The following CYP4F12 variants were observed in gnomAD, a reference collection of about 807,000 sequenced individuals.
The protein encoded by CYP4F12 is cytochrome P450 4F12.
A neutral mutation model predicts 56.5 loss-of-function variants in CYP4F12; 60 were observed. The ratio of observed to expected loss-of-function variants is 1.06; its 90% CI spans 0.86 to 1.32. CYP4F12 has a LOEUF of 1.32. CYP4F12 is among the 40% of genes most tolerant of loss of function. CYP4F12 has a pLI of 0.00. For synonymous variants in CYP4F12, 263 were observed against 264.9 expected (o/e 0.99, Z 0.07); for missense variants, 711 against 683.5 (o/e 1.04, Z -0.45).
Position 15,683,619 on chromosome 19 carries a change from G to T in CYP4F12, c.774G>T (p.Arg258Ser). The T allele has an allele frequency of 6.2e-7, 1 of 1,614,136 alleles. No individual in the cohort carries two copies. ...CCCATGACGGGCGGCGCTTCCACAG[G>T]GCCTGCCGCCTGGTGCATGACTTCA... Reference protein sequence around the residue: ...YLSHDGRRFHRACRLVHDFTD... With the variant: ...YLSHDGRRFHSACRLVHDFTD... Residue 258 changes from arginine (R) to serine (S), a missense_variant, in exon 7 of 13, where the codon AGG (arginine) becomes AGT (serine). Physicochemically the swap from Arg to Ser is moderately radical, Grantham distance 110 (BLOSUM62 -1). Transcript: ENST00000550308.
chr19:15,695,008 A>G (rs957185059), intron 9 of CYP4F12, among the ~76,000 whole-genome samples: 26 of 152,250 alleles, frequency 1.7e-4, no homozygotes, highest in Middle Eastern at 3.4e-3. Context: ...CTGGGTATAT[A>G]CCCAAAGGAC....
At chr19:15,680,037 A>C (rs1251827071) in intron 3 of CYP4F12, among the ~76,000 whole-genome samples, 1 of 152,084 alleles carries the variant, frequency 6.6e-6, no homozygotes, top group Admixed American at 6.5e-5. Context: ...GTGTGCTATG[A>C]CCTGTTAGGT....
chr19:15,697,041 G>T lies in CYP4F12; in HGVS notation c.1531G>T (p.Gly511Trp), dbSNP rs754718248. Residue 511 changes from glycine (G) to tryptophan (W), a missense_variant, in exon 13 of 13, where the codon GGG (glycine) becomes TGG (tryptophan). Transcript: ENST00000550308. Reference protein sequence around the residue: ...KLELIMRAEGGLWLRVEPLNV... With the variant: ...KLELIMRAEGWLWLRVEPLNV... ...GGAATTGATCATGCGCGCCGAGGGC[G>T]GGCTTTGGCTGCGGGTGGAGCCCCT... 3 of 1,614,128 alleles carry T rather than the reference G, an allele frequency of 1.9e-6. No individual in the cohort carries two copies. The highest frequency in any genetic ancestry group is 4.5e-5 in the East Asian group (2 of 44,886).
chr19:15,686,965 T>G (rs2007637624), intron 9 of CYP4F12, among the ~76,000 whole-genome samples: 1 of 138,444 alleles, frequency 7.2e-6, no homozygotes, highest in South Asian at 2.2e-4. Context: ...CTGTGCACTT[T>G]GTAAACAAAA....
rs2006706507 is a variant in CYP4F12 at position 15,673,127 on chromosome 19, C to T, written c.-10C>T. The T allele has an allele frequency of 9.2e-6, 4 of 434,224 alleles. No homozygotes were observed. Among genetic ancestry groups the T allele is most frequent in the Non-Finnish European group, 1.4e-5 (3 of 221,438 alleles). 26.9% of individuals were successfully genotyped at this position (434,224 alleles called of 1,614,324 possible). A position where few individuals can be genotyped will look rare whatever the true frequency, so the allele number is the denominator to read the frequency against. On this transcript the variant is annotated 5_prime_UTR_variant, in exon 1 of 13. Transcript: ENST00000550308. Reference sequence around the variant, plus strand: ...GAGGTTGTGTGGGACAAGCTGCTCCCGACAGAAGGTACCAGGCTGGGGGTG... The same window carrying T: ...GAGGTTGTGTGGGACAAGCTGCTCCTGACAGAAGGTACCAGGCTGGGGGTG...
rs1431999227 is a variant in CYP4F12, at chr19:15,678,366, T to C, written c.304T>C (p.Cys102Arg). 1 of 1,614,086 alleles carries C rather than the reference T, an allele frequency of 6.2e-7. No homozygotes were observed. Among genetic ancestry groups the C allele is most frequent in the African/African-American group, 1.3e-5 (1 of 74,930 alleles). The change falls in exon 3 of 13, where the codon TGC becomes CGC. Residue 102 changes from cysteine to arginine, a missense_variant. By Grantham distance (180) the Cys-to-Arg change is radical. Coordinates refer to ENST00000550308, the MANE Select transcript of CYP4F12 (RefSeq NM_023944.4). ...LGPIIPFIVLCHPDTIRSITN... is the reference protein window; with the variant it reads ...LGPIIPFIVLRHPDTIRSITN... ...TCCCATCATCCCCTTCATCGTTTTA[T>C]GCCACCCTGACACCATCCGGTCTAT...
intron 12 of CYP4F12, 112 bp from the exon 13 acceptor site, chr19:15,696,796 C>T: frequency 1.4e-6 from 2 of 1,382,000 alleles, no homozygotes; most frequent in Non-Finnish European, 1.9e-6. Flanking sequence ...GTCTTTCTCT[C>T]TCTCTCTCAG....
At chr19:15,673,799 A>C in intron 2 of CYP4F12, 72 bp downstream of exon 2, 1 of 1,562,878 alleles carries the variant, frequency 6.4e-7, no homozygotes, top group Non-Finnish European at 8.7e-7. Context: ...AATGGGGCTC[A>C]GTGAGCTAGG....
chr19:15,696,250 A>G (rs2008133030), intron 11 of CYP4F12, 25 bp downstream of exon 11: 1 of 1,613,454 alleles, frequency 6.2e-7, no homozygotes, highest in Non-Finnish European at 8.5e-7. Flanking sequence ...ATTCACCACC[A>G]CCACCCCCAT....
chr19:15,678,007 TCTCCTCACTCACTCC>T lies in CYP4F12; in HGVS notation c.199-253_199-239del, dbSNP rs1437107871. The stretch of plus-strand genomic sequence containing the variant: ...ATTCCTCTCCTCACTCACTCATTCC[TCTCCTCACTCACTCC>T]TTCCTCTCCACACTCACTCATTCCT... On this transcript the variant is annotated intron_variant, in intron 2 of 12. Coordinates refer to ENST00000550308, the MANE Select transcript of CYP4F12 (RefSeq NM_023944.4). 6.3e-4 allele frequency among the ~76,000 whole-genome samples: 96 copies of T among 151,342 alleles called. 46 individuals carry two copies. The highest frequency in any genetic ancestry group is 2.9e-3 in the East Asian group (15 of 5,090).
chr19:15,683,493 G>A lies in CYP4F12; in HGVS notation c.648G>A (p.Glu216=), dbSNP rs1438574883. ...CIFSFDSHCQ[E]RPSEYIATIL... ...CTCCCTTTCTGCCCTTGCTCTGCAG[G>A]AGGCCCAGTGAATATATTGCCACCA... Residue 216 remains glutamate, a splice_region_variant and synonymous_variant, in exon 7 of 13, where the codon GAG becomes GAA. Transcript: ENST00000550308. 4 of 1,593,002 alleles carry A rather than the reference G, an allele frequency of 2.5e-6. No individual in the cohort carries two copies. The highest frequency in any genetic ancestry group is 3.4e-6 in the Non-Finnish European group (4 of 1,169,604).
rs2007201582 is a variant in CYP4F12, at chr19:15,680,158, G to A, written c.344-86G>A. 6 of 1,511,188 alleles carry A rather than the reference G, an allele frequency of 4.0e-6. No homozygotes were observed. The South Asian group carries it at 6.6e-5, about 17-fold the overall frequency. 93.6% of individuals were successfully genotyped at this position (1,511,188 alleles called of 1,614,324 possible). ...CCTGCTATGCTGGGCATGGAGTGGGGAAAGTGCTGGTAGGCAGCCTTGCCC... is the reference window on the plus strand; with the variant it reads ...CCTGCTATGCTGGGCATGGAGTGGGAAAAGTGCTGGTAGGCAGCCTTGCCC... On this transcript the variant is annotated intron_variant, in intron 3 of 12. Coordinates refer to ENST00000550308, the MANE Select transcript of CYP4F12 (RefSeq NM_023944.4).
intron 9 of CYP4F12, among the ~76,000 whole-genome samples, chr19:15,691,253 G>T (rs1406866913): frequency 6.6e-6 from 1 of 152,138 alleles, no homozygotes; most frequent in East Asian, 1.9e-4. Flanking sequence ...CCCCATCCAT[G>T]TATATTTGGC....
chr19:15,687,513 A>G lies in CYP4F12; in HGVS notation c.1115+2316A>G, dbSNP rs146195201. ...TGGAAGGACAGAATAGTGTGTAGAGATTCACAGTGTAAGCTTTCTTTTCCC... is the reference window on the plus strand; with the variant it reads ...TGGAAGGACAGAATAGTGTGTAGAGGTTCACAGTGTAAGCTTTCTTTTCCC... On this transcript the variant is annotated intron_variant, in intron 9 of 12. Transcript: ENST00000550308. Among the ~76,000 whole-genome samples the G allele has an allele frequency of 1.6e-3, 250 of 152,282 alleles. 1 individual carries two copies. The highest frequency in any genetic ancestry group is 5.9e-3 in the African/African-American group (245 of 41,550).
intron 5 of CYP4F12, 188 bp from the exon 6 acceptor site, chr19:15,682,201 G>A: frequency 4.6e-6 from 3 of 657,222 alleles, no homozygotes; most frequent in Middle Eastern, 4.7e-4. Context: ...TTGACTCCAA[G>A]CCATGGGTCT....
chr19:15,684,941 G>C, intron 8 of CYP4F12, 59 bp downstream of exon 8: 1 of 1,569,364 alleles, frequency 6.4e-7, no homozygotes, highest in Admixed American at 1.8e-5. Flanking sequence ...TCAGGATCCG[G>C]GTGGGTGGAC....
Position 15,678,263 on chromosome 19 carries a change from C to T in CYP4F12, c.201C>T (p.Ile67=). The T allele has an allele frequency of 6.2e-7, 1 of 1,614,176 alleles. No homozygotes were observed. Among genetic ancestry groups the T allele is most frequent in the Non-Finnish European group, 8.5e-7 (1 of 1,180,014 alleles). ...RNWFWGHLGL[I]TPTEEGLKNS... is the part of the protein sequence containing the mutation. Reference sequence around the variant, plus strand: ...GACAGCCCTTGACTTGCTTTCAGATCACTCCTACAGAGGAGGGCTTGAAGA... The same window carrying T: ...GACAGCCCTTGACTTGCTTTCAGATTACTCCTACAGAGGAGGGCTTGAAGA... The change falls in exon 3 of 13, where the codon ATC becomes ATT. Residue 67 remains isoleucine, a splice_region_variant and synonymous_variant. Coordinates refer to ENST00000550308, the MANE Select transcript of CYP4F12 (RefSeq NM_023944.4).
Position 15,696,435 on chromosome 19 carries a change from C to G in CYP4F12, c.1320C>G (p.Tyr440Ter), listed in dbSNP as rs200582035. The G allele has an allele frequency of 3.4e-5, 55 of 1,614,170 alleles. No individual in the cohort carries two copies. The highest frequency in any genetic ancestry group is 4.7e-5 in the Non-Finnish European group (55 of 1,180,022). ...CTTCTTTGTCTCACCTGCAGGTCTA[C>G]GACCCCTTCCGCTTTGACCCAGAGA... ...NPTVWPDPEVYDPFRFDPENS... is the reference protein window; with the variant it reads ...NPTVWPDPEV The change falls in exon 12 of 13, where the codon TAC (tyrosine) becomes TAG (stop). Residue 440 changes from tyrosine (Y) to a stop codon, truncating the protein, a stop_gained. Coordinates refer to ENST00000550308, the MANE Select transcript of CYP4F12 (RefSeq NM_023944.4). LOFTEE classifies it high-confidence loss of function.
intron 3 of CYP4F12, among the ~76,000 whole-genome samples, chr19:15,679,259 G>A (rs674926): frequency 0.93 from 141,222 of 152,306 alleles, 65,534 homozygotes; most frequent in East Asian, 1. Context: ...AATAAAGAGA[G>A]TCAAAGGAGT....
Sources: allele counts gnomAD v4.1 joint callset (sites outside exome capture counted in the v4.1 genomes callset), GRCh38; gene constraint gnomAD v4.1.1; transcripts MANE v1.5; gene names NCBI Gene and HGNC (gene_info 2026-07-23, HGNC 2026-07-21).